LRRC7: variants seen among roughly 807,000 people sequenced by gnomAD.
The protein encoded by LRRC7 is leucine-rich repeat-containing protein 7.
A neutral mutation model predicts 175.7 loss-of-function variants in LRRC7; 23 were observed. The observed-to-expected ratio is 0.13, with a 90% CI of 0.09 to 0.19. The LOEUF is 0.19. Ranked by LOEUF, LRRC7 falls within the 10% of genes least tolerant of loss-of-function variation. The pLI is 1.00. For synonymous variants in LRRC7, 685 were observed against 680.9 expected (o/e 1.01, Z -0.09); for missense variants, 1,354 against 1,904.7 (o/e 0.71, Z 5.38).
At chr1:69,742,509 TTATG>T (rs1006505821) in intron 2 of LRRC7, among the ~76,000 whole-genome samples, 6 of 151,896 alleles carry the variant, frequency 4.0e-5, no homozygotes, top group South Asian at 4.1e-4. Context: ...TAGAAGATAT[TTATG>T]TGTGTGTATG....
At chr1:69,656,883 A>G (rs1656672711) in intron 1 of LRRC7, among the ~76,000 whole-genome samples, 2 of 151,928 alleles carry the variant, frequency 1.3e-5, no homozygotes, top group Non-Finnish European at 2.9e-5. Flanking sequence ...CAATTTTAGC[A>G]ACAATGTAAT....
At chr1:69,921,921 CTGTT>C (rs149881011) in intron 7 of LRRC7, among the ~76,000 whole-genome samples, 7,275 of 151,898 alleles carry the variant, frequency 0.048, 212 homozygotes, top group South Asian at 0.075. Flanking sequence ...TACATTCATT[CTGTT>C]TGTTTGTTTG....
At chr1:69,960,986 A>G (rs1457307522) in intron 8 of LRRC7, among the ~76,000 whole-genome samples, 2 of 152,172 alleles carry the variant, frequency 1.3e-5, no homozygotes, top group Non-Finnish European at 1.5e-5. Context: ...GGCTGGGGCA[A>G]TCAGGCAAGA....
chr1:69,649,859 A>G (rs1322717199), intron 1 of LRRC7, among the ~76,000 whole-genome samples: 1 of 151,986 alleles, frequency 6.6e-6, no homozygotes, highest in Non-Finnish European at 1.5e-5. Flanking sequence ...ATTGAAAAAA[A>G]AAAACCAAAA....
chr1:69,860,272 C>A (rs1443498883), intron 7 of LRRC7, among the ~76,000 whole-genome samples: 5 of 151,760 alleles, frequency 3.3e-5, no homozygotes, highest in Non-Finnish European at 7.4e-5. Flanking sequence ...TTTCTCAGTG[C>A]TTTATACCTG....
At chr1:69,874,870 T>G (rs1685901931) in intron 7 of LRRC7, 1 of 152,114 alleles carries the variant, frequency 6.6e-6, no homozygotes, top group Non-Finnish European at 1.5e-5. Flanking sequence ...CTGCTTACTG[T>G]GTTTGTACCA....
chr1:69,729,046 C>T (rs1460242266), intron 2 of LRRC7, among the ~76,000 whole-genome samples: 2 of 152,108 alleles, frequency 1.3e-5, no homozygotes, highest in African/African-American at 4.8e-5. Context: ...AGGGAAAGCC[C>T]CTTATAAAAC....
At chr1:69,888,735 C>T (rs893002079) in intron 7 of LRRC7, among the ~76,000 whole-genome samples, 25 of 151,714 alleles carry the variant, frequency 1.6e-4, no homozygotes, top group African/African-American at 5.8e-4. Flanking sequence ...AAAAAACAGA[C>T]AGAAGCCGAG....
intron 1 of LRRC7, among the ~76,000 whole-genome samples, chr1:69,578,508 C>G (rs1646053065): frequency 6.8e-6 from 1 of 147,126 alleles, no homozygotes. Context: ...TTTATTGCGG[C>G]ACTATTCACA....
Position 70,024,059 on chromosome 1 carries a change from T to C in LRRC7, c.1794+685T>C, listed in dbSNP as rs140826552. Among the ~76,000 whole-genome samples, 1,239 of 152,240 alleles carry C rather than the reference T, an allele frequency of 8.1e-3. 8 individuals carry two copies. Among genetic ancestry groups the C allele is most frequent in the South Asian group, 0.036 (175 of 4,830 alleles). ...TGTAAACTTTACTATCCACATGTAA[T>C]GGACTAGATACTTATCCATTGTCTT... On this transcript the variant is annotated intron_variant, in intron 17 of 26. Transcript: ENST00000651989.
rs1300473899 is a variant in LRRC7 at position 70,107,678 on chromosome 1, G to C, written c.4546-74G>C. 4.7e-6 allele frequency: 5 copies of C among 1,061,664 alleles called. No individual in the cohort carries two copies. The African/African-American group carries it at 7.8e-5, about 17-fold the overall frequency. 65.8% of individuals were successfully genotyped at this position (1,061,664 alleles called of 1,614,324 possible). ...TGGATCTGTTTTCACTGTTTTCTAT[G>C]TGAATGAAGATTTGTTTAAGTAGGC... On this transcript the variant is annotated intron_variant, in intron 25 of 26. Coordinates refer to ENST00000651989, the MANE Select transcript of LRRC7 (RefSeq NM_001370785.2).
chr1:70,097,583 G>T (rs1664500621), intron 25 of LRRC7, among the ~76,000 whole-genome samples: 1 of 149,616 alleles, frequency 6.7e-6, no homozygotes, highest in Non-Finnish European at 1.5e-5. Flanking sequence ...CTAGCATTAG[G>T]TATATCTCCC....
At position 69,682,298 on chromosome 1, in the gene LRRC7, C is replaced by T. The variant is rs115090823; in HGVS notation, c.100+3820C>T. Among the ~76,000 whole-genome samples, 1,160 of 152,158 alleles carry T rather than the reference C, an allele frequency of 7.6e-3. 6 individuals carry two copies. The highest frequency in any genetic ancestry group is 0.027 in the African/African-American group (1,101 of 41,524). ...TCAAAATGTGGGATCATAATTACAC[C>T]ATTGCCTTTGCCATATTTTATTGTC... On this transcript the variant is annotated intron_variant, in intron 2 of 26. Transcript: ENST00000651989.
chr1:69,768,764 A>G (rs1182656593), intron 3 of LRRC7, among the ~76,000 whole-genome samples: 1 of 152,196 alleles, frequency 6.6e-6, no homozygotes, highest in Non-Finnish European at 1.5e-5. Context: ...TTGGGATGAC[A>G]TGGGATAGTT....
At chr1:69,594,171 C>G (rs954401235) in intron 1 of LRRC7, among the ~76,000 whole-genome samples, 1 of 152,102 alleles carries the variant, frequency 6.6e-6, no homozygotes, top group Non-Finnish European at 1.5e-5. Context: ...ACATACCCAT[C>G]TAGTCTAAAC....
At chr1:69,589,131 T>A (rs1226346278) in intron 1 of LRRC7, among the ~76,000 whole-genome samples, 2 of 150,824 alleles carry the variant, frequency 1.3e-5, no homozygotes, top group Admixed American at 1.3e-4. Context: ...TGTGTGTGTG[T>A]GTGTGTGTGT....
chr1:70,057,132 T>C (rs1661218194), intron 23 of LRRC7, among the ~76,000 whole-genome samples: 1 of 152,234 alleles, frequency 6.6e-6, no homozygotes, highest in Non-Finnish European at 1.5e-5. Flanking sequence ...GATTATCCCA[T>C]ATTATAGCAA....
intron 3 of LRRC7, among the ~76,000 whole-genome samples, chr1:69,787,098 C>G (rs1674532939): frequency 6.6e-6 from 1 of 152,226 alleles, no homozygotes; most frequent in African/African-American, 2.4e-5. Context: ...AAAGGGGCCA[C>G]AGGCCCCGTG....
chr1:69,726,660 G>A (rs1667013909), intron 2 of LRRC7, among the ~76,000 whole-genome samples: 1 of 151,972 alleles, frequency 6.6e-6, no homozygotes, highest in African/African-American at 2.4e-5. Context: ...GTATAAATGA[G>A]GTTGACCAAG....
Sources: allele counts gnomAD v4.1 joint callset (sites outside exome capture counted in the v4.1 genomes callset), GRCh38; gene constraint gnomAD v4.1.1; transcripts MANE v1.5; gene names NCBI Gene and HGNC (gene_info 2026-07-23, HGNC 2026-07-21).